Variants in FAM107B observed in about 807,000 individuals in gnomAD.
The protein encoded by FAM107B is protein FAM107B.
A neutral mutation model predicts 31.5 loss-of-function variants in FAM107B; 21 were observed. That is an observed-to-expected ratio of 0.67 (90% CI 0.47 to 0.96). The LOEUF (loss-of-function observed/expected upper bound fraction) is 0.96. Among genes scored for constraint, FAM107B ranks in the 40% least tolerant of loss-of-function variants. The pLI, the probability that FAM107B is intolerant of heterozygous loss-of-function variation, is 0.00. For missense variants in FAM107B, 452 were observed against 377.1 expected, an observed-to-expected ratio of 1.20 and a Z score of -1.64; for synonymous variants, 157 against 141.5, an observed-to-expected ratio of 1.11 and a Z score of -0.78.
rs7096501 is a variant in FAM107B, at chr10:14,620,960, T to G, written c.469+46674A>C. 5.3e-3 allele frequency among the ~76,000 whole-genome samples: 806 copies of G among 152,348 alleles called. 6 individuals carry two copies. The highest frequency in any genetic ancestry group is 8.8e-3 in the Non-Finnish European group (601 of 68,028). ...TTGGTTTTGATGTTATTGTAAATTATACATTTTTAGAATTTCAATTTCCAA... is the reference window on the plus strand; with the variant it reads ...TTGGTTTTGATGTTATTGTAAATTAGACATTTTTAGAATTTCAATTTCCAA... On this transcript the variant is annotated intron_variant, in intron 2 of 4. Transcript: ENST00000181796.
intron 1 of FAM107B, among the ~76,000 whole-genome samples, chr10:14,692,155 C>A (rs1855153828): frequency 6.6e-6 from 1 of 152,020 alleles, no homozygotes. Flanking sequence ...TCGAGGGGAG[C>A]CCCCTTTGGA....
At chr10:14,722,414 T>C (rs1201592518) in intron 1 of FAM107B, among the ~76,000 whole-genome samples, 1 of 152,240 alleles carries the variant, frequency 6.6e-6, no homozygotes, top group Non-Finnish European at 1.5e-5. Context: ...TGTATAGATA[T>C]ATTCCATGCT....
At chr10:14,671,599 A>G (rs1854544574) in intron 1 of FAM107B, among the ~76,000 whole-genome samples, 1 of 152,086 alleles carries the variant, frequency 6.6e-6, no homozygotes, top group African/African-American at 2.4e-5. Context: ...GTGAGACCTA[A>G]TGAGATTTTT....
intron 1 of FAM107B, among the ~76,000 whole-genome samples, chr10:14,767,925 G>A (rs2131597931): frequency 6.6e-6 from 1 of 152,200 alleles, no homozygotes; most frequent in Non-Finnish European, 1.5e-5. Context: ...AACAAAAAAT[G>A]TACAGAACTA....
chr10:14,629,369 ATTT>A (rs1239799471), intron 2 of FAM107B, among the ~76,000 whole-genome samples: 330 of 38,102 alleles, frequency 8.7e-3, no homozygotes, highest in Non-Finnish European at 0.013. Flanking sequence ...TATATTATAT[ATTT>A]AATATATATA....
At chr10:14,713,256 G>C (rs1481990621) in intron 1 of FAM107B, among the ~76,000 whole-genome samples, 5 of 152,178 alleles carry the variant, frequency 3.3e-5, no homozygotes, top group Admixed American at 3.3e-4. Flanking sequence ...ATAAATGCCA[G>C]TAAAGCTTTA....
intron 2 of FAM107B, chr10:14,572,279 G>C (rs763783937): frequency 1.8e-4 from 177 of 985,304 alleles, no homozygotes; most frequent in Non-Finnish European, 2.0e-4. Context: ...GTACTTGTCT[G>C]TACAAAAATC....
chr10:14,524,348 A>G (rs537601048), intron 3 of FAM107B, among the ~76,000 whole-genome samples: 11 of 152,284 alleles, frequency 7.2e-5, no homozygotes, highest in Admixed American at 3.9e-4. Flanking sequence ...CAGCTAGTAT[A>G]GTCCATCTTT....
In FAM107B at chr10:14,540,509, G is replaced by C. The variant is rs181697598; in HGVS notation, c.470-9994C>G. 4.6e-5 allele frequency among the ~76,000 whole-genome samples: 7 copies of C among 152,294 alleles called. No homozygotes were observed. In the East Asian group the frequency reaches 1.4e-3, roughly 29 times the overall value. ...CTGGGGCTGGTATTTCCTTGCTGAT[G>C]CGAAGGCAGCCCCTGGACCACCCTC... On this transcript the variant is annotated intron_variant, in intron 2 of 4. Coordinates refer to ENST00000181796, the MANE Select transcript of FAM107B (RefSeq NM_031453.4).
At chr10:14,677,735 G>C (rs1191698324) in intron 1 of FAM107B, among the ~76,000 whole-genome samples, 3 of 152,174 alleles carry the variant, frequency 2.0e-5, no homozygotes, top group Non-Finnish European at 4.4e-5. Context: ...GCTCAGGACT[G>C]AGGGGTTCCC....
At chr10:14,689,328 T>C (rs3107791) in intron 1 of FAM107B, among the ~76,000 whole-genome samples, 126,393 of 149,906 alleles carry the variant, frequency 0.84, 53,493 homozygotes, top group African/African-American at 0.9. Context: ...TGCACAGAGC[T>C]GAGACCGCAC....
intron 2 of FAM107B, among the ~76,000 whole-genome samples, chr10:14,618,940 C>G (rs1267456259): frequency 6.6e-6 from 1 of 152,090 alleles, no homozygotes; most frequent in East Asian, 1.9e-4. Flanking sequence ...AGACGAGACA[C>G]AGAAACAGAC....
At chr10:14,552,539 A>G (rs963353915) in intron 2 of FAM107B, among the ~76,000 whole-genome samples, 36 of 151,964 alleles carry the variant, frequency 2.4e-4, no homozygotes, top group African/African-American at 5.6e-4. Flanking sequence ...GTATACTGTG[A>G]TAAGTTCATT....
chr10:14,740,212 C>T (rs1856404041), intron 1 of FAM107B, among the ~76,000 whole-genome samples: 1 of 152,288 alleles, frequency 6.6e-6, no homozygotes, highest in East Asian at 1.9e-4. Context: ...CCAAGATGTC[C>T]TTCAATAGGT....
intron 1 of FAM107B, among the ~76,000 whole-genome samples, chr10:14,755,570 A>G (rs962775488): frequency 6.6e-6 from 1 of 152,052 alleles, no homozygotes; most frequent in Admixed American, 6.6e-5. Flanking sequence ...CATGCTACAC[A>G]CCATCATCCT....
intron 1 of FAM107B, among the ~76,000 whole-genome samples, chr10:14,764,974 C>G (rs1157259369): frequency 6.6e-6 from 1 of 152,182 alleles, no homozygotes; most frequent in African/African-American, 2.4e-5. Flanking sequence ...GACGTCAACC[C>G]TGAACTTGCA....
chr10:14,588,329 T>C (rs1307130498), intron 2 of FAM107B, among the ~76,000 whole-genome samples: 1 of 152,210 alleles, frequency 6.6e-6, no homozygotes, highest in Non-Finnish European at 1.5e-5. Flanking sequence ...AGAATTGTAA[T>C]TTAGAAGCAT....
In FAM107B at chr10:14,526,592, A is replaced by G. The variant is rs542911717; in HGVS notation, c.653+3740T>C. On this transcript the variant is annotated intron_variant, in intron 3 of 4. Transcript: ENST00000181796. ...TGGAACACAAATACTTGTATCCTTTATCTCTAGAACTGCCCCTATCTTTTT... is the reference window on the plus strand; with the variant it reads ...TGGAACACAAATACTTGTATCCTTTGTCTCTAGAACTGCCCCTATCTTTTT... Among the ~76,000 whole-genome samples, 245 of 152,290 alleles carry G rather than the reference A, an allele frequency of 1.6e-3. 3 individuals carry two copies. Among genetic ancestry groups the G allele is most frequent in the African/African-American group, 5.8e-3 (239 of 41,564 alleles).
chr10:14,615,856 G>T lies in FAM107B; in HGVS notation c.469+51778C>A, dbSNP rs188826952. Among the ~76,000 whole-genome samples, 5 of 152,278 alleles carry T rather than the reference G, an allele frequency of 3.3e-5. No homozygotes were observed. The East Asian group carries it at 9.6e-4, about 29-fold the overall frequency. On this transcript the variant is annotated intron_variant, in intron 2 of 4. Coordinates refer to ENST00000181796, the MANE Select transcript of FAM107B (RefSeq NM_031453.4). Reference sequence around the variant, plus strand: ...CCCTAATTACCTTGTCAACTTTGAAGGCAGGCAGGAATCAATGTTTTAATC... The same window carrying T: ...CCCTAATTACCTTGTCAACTTTGAATGCAGGCAGGAATCAATGTTTTAATC...
Sources: gnomAD v4.1 joint callset for allele counts (sites outside exome capture counted in the v4.1 genomes callset) on GRCh38, gnomAD v4.1.1 for gene constraint, MANE v1.5 for transcripts, NCBI Gene and HGNC (gene_info 2026-07-23, HGNC 2026-07-21) for gene names.